ARHGAP15: variants seen among roughly 807,000 people sequenced by gnomAD.
The protein encoded by ARHGAP15 is rho GTPase-activating protein 15.
In ARHGAP15, 51 loss-of-function variants were observed where a neutral mutation model predicts 63.7. That is an observed-to-expected ratio of 0.80 (90% CI 0.64 to 1.01). The LOEUF is 1.01. Among genes scored for constraint, ARHGAP15 ranks in the 50% least tolerant of loss-of-function variants. ARHGAP15 has a pLI of 0.00. For synonymous variants in ARHGAP15, 191 were observed against 193.8 expected, an observed-to-expected ratio of 0.99 and a Z score of 0.12; for missense variants, 560 against 564.6, an observed-to-expected ratio of 0.99 and a Z score of 0.08.
chr2:143,372,155 A>G (rs1382696494), intron 6 of ARHGAP15, among the ~76,000 whole-genome samples: 1 of 151,912 alleles, frequency 6.6e-6, no homozygotes, highest in East Asian at 1.9e-4. Flanking sequence ...ATCTGGCAAC[A>G]TAGTGAAACC....
chr2:143,591,004 G>T (rs922050061), intron 11 of ARHGAP15, among the ~76,000 whole-genome samples: 3 of 152,044 alleles, frequency 2.0e-5, no homozygotes, highest in Admixed American at 6.6e-5. Flanking sequence ...GAGAAACACA[G>T]ATTTTCTTTT....
Position 143,577,309 on chromosome 2 carries a change from C to A in ARHGAP15, c.1003+20824C>A, listed in dbSNP as rs536248521. On this transcript the variant is annotated intron_variant, in intron 11 of 13. Coordinates refer to ENST00000295095, the MANE Select transcript of ARHGAP15 (RefSeq NM_018460.4). ...GAAATGTTGACTTTCGATTTCTTTA[C>A]ATATTTGATCTTTCAAGATATGAGA... Among the ~76,000 whole-genome samples the A allele has an allele frequency of 2.0e-5, 3 of 152,224 alleles. 1 individual carries two copies. The highest frequency in any genetic ancestry group is 7.2e-5 in the African/African-American group (3 of 41,546).
intron 10 of ARHGAP15, among the ~76,000 whole-genome samples, chr2:143,533,990 G>T (rs1694635151): frequency 6.6e-6 from 1 of 152,108 alleles, no homozygotes; most frequent in African/African-American, 2.4e-5. Context: ...ATACATCACT[G>T]GCTCCATCTG....
chr2:143,224,298 A>G (rs1262589268), intron 4 of ARHGAP15, among the ~76,000 whole-genome samples: 1 of 152,212 alleles, frequency 6.6e-6, no homozygotes, highest in African/African-American at 2.4e-5. Flanking sequence ...GAGAAAGGAA[A>G]AGAAATTTTT....
chr2:143,340,497 A>G (rs1007249933), intron 6 of ARHGAP15, among the ~76,000 whole-genome samples: 3 of 149,876 alleles, frequency 2.0e-5, no homozygotes, highest in Admixed American at 6.7e-5. Flanking sequence ...AGCTGATTTT[A>G]TCCTAAATTT....
chr2:143,464,916 G>A (rs544290060), intron 8 of ARHGAP15, among the ~76,000 whole-genome samples: 12 of 151,932 alleles, frequency 7.9e-5, no homozygotes, highest in South Asian at 4.2e-4. Flanking sequence ...CAATTACGTC[G>A]TTTTTCACAA....
chr2:143,173,197 C>A (rs1244045789), intron 2 of ARHGAP15, among the ~76,000 whole-genome samples: 1 of 151,736 alleles, frequency 6.6e-6, no homozygotes, highest in Non-Finnish European at 1.5e-5. Flanking sequence ...TATATATGAC[C>A]TAAAAATATT....
intron 1 of ARHGAP15, among the ~76,000 whole-genome samples, chr2:143,151,525 A>G (rs527723402): frequency 2.0e-5 from 3 of 152,134 alleles, no homozygotes; most frequent in African/African-American, 7.2e-5. Flanking sequence ...TCTGACTGAT[A>G]TAACATTGTG....
chr2:143,636,545 A>G (rs1680325657), intron 12 of ARHGAP15, among the ~76,000 whole-genome samples: 1 of 152,152 alleles, frequency 6.6e-6, no homozygotes, highest in African/African-American at 2.4e-5. Context: ...TTAACTGAGC[A>G]GAAATCTCCA....
chr2:143,274,279 A>G (rs1681437034), intron 6 of ARHGAP15, among the ~76,000 whole-genome samples: 2 of 152,156 alleles, frequency 1.3e-5, no homozygotes, highest in South Asian at 4.1e-4. Context: ...TAGGAGTACA[A>G]AGCTGTCTTT....
intron 13 of ARHGAP15, among the ~76,000 whole-genome samples, chr2:143,718,484 C>A (rs981155217): frequency 6.6e-6 from 1 of 152,148 alleles, no homozygotes; most frequent in Non-Finnish European, 1.5e-5. Flanking sequence ...TTTTCCCCAG[C>A]TCCATTCATT....
intron 12 of ARHGAP15, among the ~76,000 whole-genome samples, chr2:143,686,997 C>T (rs1257767127): frequency 6.6e-6 from 1 of 152,160 alleles, no homozygotes; most frequent in Non-Finnish European, 1.5e-5. Flanking sequence ...ATAAGGTACA[C>T]TGAAGAATTG....
intron 6 of ARHGAP15, among the ~76,000 whole-genome samples, chr2:143,268,714 T>C (rs1288466701): frequency 6.6e-6 from 1 of 152,142 alleles, no homozygotes; most frequent in African/African-American, 2.4e-5. Context: ...GATCTATGTA[T>C]GAATATACAT....
At chr2:143,167,779 G>A (rs576020036) in intron 2 of ARHGAP15, among the ~76,000 whole-genome samples, 17 of 152,202 alleles carry the variant, frequency 1.1e-4, no homozygotes, top group African/African-American at 4.1e-4. Context: ...ATCAAGTGGT[G>A]GCTCCACCCA....
rs529095259 is a variant in ARHGAP15 at position 143,230,072 on chromosome 2, A to G, written c.384+1404A>G. Among the ~76,000 whole-genome samples, 7 of 152,300 alleles carry G rather than the reference A, an allele frequency of 4.6e-5. No homozygotes were observed. In the East Asian group the frequency reaches 1.4e-3, roughly 29 times the overall value. On this transcript the variant is annotated intron_variant, in intron 5 of 13. Coordinates refer to ENST00000295095, the MANE Select transcript of ARHGAP15 (RefSeq NM_018460.4). ...GGAAAATAAAGTACCCCTAAGGGCC[A>G]GGCACAAAACAACTACCATCCACTT...
intron 6 of ARHGAP15, among the ~76,000 whole-genome samples, chr2:143,367,279 T>C (rs1402546839): frequency 1.3e-5 from 2 of 152,012 alleles, no homozygotes; most frequent in African/African-American, 4.8e-5. Context: ...AGTTATCTCT[T>C]CCATCTCTGA....
At chr2:143,160,452 A>G (rs1690246763) in intron 2 of ARHGAP15, among the ~76,000 whole-genome samples, 1 of 151,966 alleles carries the variant, frequency 6.6e-6, no homozygotes, top group Non-Finnish European at 1.5e-5. Context: ...ATATGACTAC[A>G]CAATAATGTG....
chr2:143,659,797 G>A (rs1454162593), intron 12 of ARHGAP15, among the ~76,000 whole-genome samples: 2 of 152,092 alleles, frequency 1.3e-5, no homozygotes, highest in Admixed American at 1.3e-4. Flanking sequence ...AGTCTTTTGT[G>A]GGAATTCTGG....
intron 8 of ARHGAP15, among the ~76,000 whole-genome samples, chr2:143,442,726 T>C (rs1246163832): frequency 1.3e-5 from 2 of 152,134 alleles, no homozygotes; most frequent in Non-Finnish European, 2.9e-5. Context: ...AGGTGGTGCA[T>C]AGGCAAGTGA....
Sources: gnomAD v4.1 joint callset for allele counts (sites outside exome capture counted in the v4.1 genomes callset) on GRCh38, gnomAD v4.1.1 for gene constraint, MANE v1.5 for transcripts, NCBI Gene and HGNC (gene_info 2026-07-23, HGNC 2026-07-21) for gene names.